Variants in CDH24 observed in about 807,000 individuals in gnomAD.
CDH24 encodes cadherin-24.
A neutral mutation model predicts 71.2 loss-of-function variants in CDH24; 61 were observed. That is an observed-to-expected ratio of 0.86 (90% CI 0.70 to 1.06). The LOEUF is 1.06. CDH24 is among the 50% of genes least tolerant of loss of function. CDH24 has a pLI of 0.00. For missense variants in CDH24, 961 were observed against 1,083.7 expected (o/e 0.89, Z 1.59); for synonymous variants, 440 against 470.2 (o/e 0.94, Z 0.83).
intron 10 of CDH24, 116 bp downstream of exon 10, chr14:23,049,511 T>C: frequency 1.4e-6 from 1 of 726,190 alleles, no homozygotes. Flanking sequence ...ACCCATCTTC[T>C]GTTGGGTAGA....
At chr14:23,056,444 G>C (rs73598405) in intron 1 of CDH24, among the ~76,000 whole-genome samples, 1 of 152,042 alleles carries the variant, frequency 6.6e-6, no homozygotes, top group Non-Finnish European at 1.5e-5. Flanking sequence ...AGGATACAGG[G>C]TGGGGGACAG....
chr14:23,053,721 T>C lies in CDH24; in HGVS notation c.1001A>G (p.Tyr334Cys). The C allele has an allele frequency of 6.2e-7, 1 of 1,610,084 alleles. No homozygotes were observed. Among genetic ancestry groups the C allele is most frequent in the Non-Finnish European group, 8.5e-7 (1 of 1,178,488 alleles). The change falls in exon 7 of 13, where the codon TAC becomes TGC. Residue 334 changes from tyrosine (Y) to cysteine (C), a missense_variant. This residue lies in a region of CDH24 where 671 missense variants were observed against 810.9 expected (regional missense o/e 0.83). Coordinates refer to ENST00000487137, the MANE Select transcript of CDH24 (RefSeq NM_144985.4). The stretch of plus-strand genomic sequence containing the variant: ...GTTGGTGGCCTCGACACGGAAGGAG[T>C]AGGAGCGCTGGCTCTCAAAGTCTAG... The part of the protein sequence containing the change: ...KPLDFESQRS[Y>C]SFRVEATNTL...
Position 23,049,219 on chromosome 14 carries a change from AG to A in CDH24, c.1653del (p.Tyr552ThrfsTer5), listed in dbSNP as rs2047065427. The A allele has an allele frequency of 1.9e-6, 3 of 1,575,038 alleles. No homozygotes were observed. Among genetic ancestry groups the A allele is most frequent in the Non-Finnish European group, 2.6e-6 (3 of 1,159,524 alleles). On this transcript the variant is annotated frameshift_variant, in exon 11 of 13. Coordinates refer to ENST00000487137, the MANE Select transcript of CDH24 (RefSeq NM_144985.4). LOFTEE classifies it high-confidence loss of function. ...TCCCACAGTTCTATGGGAACCAAGT[AG>A]GGGGCATGGCGGGGTGGAGCAGGGC... is the stretch of plus-strand genomic sequence containing the variant. ...PSRPAPPRHA[P>X]YLVPIELWDW...
chr14:23,055,606 CGAGT>C lies in CDH24; in HGVS notation c.124_127del (p.Thr42GlufsTer41). The C allele has an allele frequency of 1.2e-6, 2 of 1,613,900 alleles. No homozygotes were observed. Among genetic ancestry groups the C allele is most frequent in the Non-Finnish European group, 1.7e-6 (2 of 1,179,980 alleles). On this transcript the variant is annotated frameshift_variant, in exon 2 of 13. Transcript: ENST00000487137. LOFTEE classifies it high-confidence loss of function. This position sits in a 1 kb window ranked among gnomAD's most constrained non-coding sequence, Gnocchi z 4.1. ...GAACTGGTTCCAGACCCAGCTCCTT[CGAGT>C]CCGCAGCAGAGCAGGCCCTGGGTGT...
chr14:23,050,003 A>G lies in CDH24; in HGVS notation c.1364-60T>C, dbSNP rs988005283. 2.5e-5 allele frequency: 40 copies of G among 1,582,822 alleles called. No individual in the cohort carries two copies. In the African/African-American group the frequency reaches 3.9e-4, roughly 15 times the overall value. On this transcript the variant is annotated intron_variant, in intron 8 of 12. Transcript: ENST00000487137. ...ACACACCACACAGTTTACACGTAAC[A>G]TATGTGGTGCATGGGCATGGATGCC...
Position 23,055,824 on chromosome 14 carries a change from G to T in CDH24, c.-91C>A. 4 of 1,126,844 alleles carry T rather than the reference G, an allele frequency of 3.5e-6. No individual in the cohort carries two copies. The highest frequency in any genetic ancestry group is 4.9e-6 in the Non-Finnish European group (4 of 810,326). 69.8% of individuals were successfully genotyped at this position (1,126,844 alleles called of 1,614,324 possible). A position where few individuals can be genotyped will look rare whatever the true frequency, so the allele number is the denominator to read the frequency against. On this transcript the variant is annotated 5_prime_UTR_variant, in exon 2 of 13. Transcript: ENST00000487137. The surrounding 1 kb of genome is among the most constrained non-coding windows in gnomAD (Gnocchi z 4.1). ...CCCATGAGCTGGCTGGGGTGGAGGGGCAGATGCGTTGAGGCTACCCCATGG... is the reference window on the plus strand; with the variant it reads ...CCCATGAGCTGGCTGGGGTGGAGGGTCAGATGCGTTGAGGCTACCCCATGG...
chr14:23,049,644 GT>G lies in CDH24; in HGVS notation c.1579del (p.Thr527LeufsTer30). 1 of 1,580,928 alleles carries G rather than the reference GT, an allele frequency of 6.3e-7. No homozygotes were observed. Among genetic ancestry groups the G allele is most frequent in the Non-Finnish European group, 8.6e-7 (1 of 1,160,618 alleles). ...QGPLGPDANF[T>X]VQDNRDGSAS... Reference sequence around the variant, plus strand: ...CCACCTACCTCGGTTGTCCTGGACAGTAAAGTTGGCATCAGGGCCCAGAGGA... The same window carrying G: ...CCACCTACCTCGGTTGTCCTGGACAGAAAGTTGGCATCAGGGCCCAGAGGA... On this transcript the variant is annotated frameshift_variant, in exon 10 of 13. Coordinates refer to ENST00000487137, the MANE Select transcript of CDH24 (RefSeq NM_144985.4). LOFTEE classifies it high-confidence loss of function.
At position 23,055,300 on chromosome 14, in the gene CDH24, C is replaced by T. The variant is rs1323312644; in HGVS notation, c.255G>A (p.Gly85=). The change falls in exon 3 of 13, where the codon GGG becomes GGA. Residue 85 remains glycine, a synonymous_variant. Coordinates refer to ENST00000487137, the MANE Select transcript of CDH24 (RefSeq NM_144985.4). This position sits in a 1 kb window ranked among gnomAD's most constrained non-coding sequence, Gnocchi z 4.1. ...GEGRTKYLLT[G]EGAGTVFVID... ...TCACAAATACGGTGCCTGCCCCCTC[C>T]CCGGTCAACAGGTACTTGGTGCGGC... The T allele has an allele frequency of 1.2e-6, 2 of 1,611,652 alleles. No individual in the cohort carries two copies. The highest frequency in any genetic ancestry group is 1.7e-6 in the Non-Finnish European group (2 of 1,177,918).
At position 23,048,268 on chromosome 14, in the gene CDH24, G is replaced by A; in HGVS notation, c.2058C>T (p.Pro686=). ...TGGGCTGGCGCGACACCCGGGCCCGGGGCAACACGTCTCGGCGCGCGGGAG... is the reference window on the plus strand; with the variant it reads ...TGGGCTGGCGCGACACCCGGGCCCGAGGCAACACGTCTCGGCGCGCGGGAG... ...PGPPARRDVL[P]RARVSRQPRP... Residue 686 remains proline, a synonymous_variant, in exon 12 of 13, where the codon CCC becomes CCT. Transcript: ENST00000487137. The A allele has an allele frequency of 6.5e-7, 1 of 1,530,924 alleles. No homozygotes were observed. The highest frequency in any genetic ancestry group is 8.7e-7 in the Non-Finnish European group (1 of 1,147,040). The allele number at this position is 1,530,924 out of a possible 1,614,324, so 94.8% of individuals were successfully genotyped here.
chr14:23,050,530 CA>C, intron 8 of CDH24, among the ~76,000 whole-genome samples: 1 of 149,482 alleles, frequency 6.7e-6, no homozygotes, highest in Non-Finnish European at 1.5e-5. Flanking sequence ...CACACACACA[CA>C]CATCCCATCA....
At chr14:23,052,058 G>C (rs907872388) in intron 8 of CDH24, 1 of 1,569,454 alleles carries the variant, frequency 6.4e-7, no homozygotes, top group Non-Finnish European at 8.7e-7. Context: ...GAGGTACCCA[G>C]CCCCTTTCTG....
chr14:23,055,001 G>A lies in CDH24; in HGVS notation c.496+58C>T, dbSNP rs555755742. 899 of 1,589,858 alleles carry A rather than the reference G, an allele frequency of 5.7e-4. No individual in the cohort carries two copies. Among genetic ancestry groups the A allele is most frequent in the Non-Finnish European group, 7.5e-4 (873 of 1,164,888 alleles). On this transcript the variant is annotated intron_variant, in intron 3 of 12. Transcript: ENST00000487137. This position sits in a 1 kb window ranked among gnomAD's most constrained non-coding sequence, Gnocchi z 4.1. ...CTGGGGCAGACAACAAGAAGGGAAG[G>A]AGAGGTGAGAGAGCTCCAGAAGACG...
Position 23,049,651 on chromosome 14 carries a change from TG to T in CDH24, c.1572del (p.Asn525ThrfsTer32). 6.3e-7 allele frequency: 1 copy of T among 1,589,882 alleles called. No individual in the cohort carries two copies. The highest frequency in any genetic ancestry group is 8.6e-7 in the Non-Finnish European group (1 of 1,165,644). On this transcript the variant is annotated frameshift_variant, in exon 10 of 13. Coordinates refer to ENST00000487137, the MANE Select transcript of CDH24 (RefSeq NM_144985.4). LOFTEE classifies it high-confidence loss of function. ...CCTCGGTTGTCCTGGACAGTAAAGTTGGCATCAGGGCCCAGAGGACCTTGAA... is the reference window on the plus strand; with the variant it reads ...CCTCGGTTGTCCTGGACAGTAAAGTTGCATCAGGGCCCAGAGGACCTTGAA... ...VSFQGPLGPD[A>X]NFTVQDNRDG...
In CDH24 at chr14:23,055,656, C is replaced by T; in HGVS notation, c.78G>A (p.Arg26=). 6.2e-7 allele frequency: 1 copy of T among 1,610,168 alleles called. No individual in the cohort carries two copies. Among genetic ancestry groups the T allele is most frequent in the South Asian group, 1.1e-5 (1 of 90,738 alleles). ...GCMGRLAAPA[R]AWAGSREHPG... is the part of the protein sequence containing the mutation. ...GGTGTTCCCGGGACCCTGCCCAGGC[C>T]CGGGCTGGGGCTGCCAGACGCCCCA... Residue 26 remains arginine, a synonymous_variant, in exon 2 of 13, where the codon CGG becomes CGA. Coordinates refer to ENST00000487137, the MANE Select transcript of CDH24 (RefSeq NM_144985.4). This position sits in a 1 kb window ranked among gnomAD's most constrained non-coding sequence, Gnocchi z 4.1.
rs2139948061 is a variant in CDH24, at chr14:23,053,757, G to A, written c.973-8C>T. On this transcript the variant is annotated splice_polypyrimidine_tract_variant and splice_region_variant and intron_variant, in intron 6 of 12. Transcript: ENST00000487137. ...GCTCTCAAAGTCTAGGGGCTATGGT[G>A]AGGGGAGAGGGAGAAAAAGTGAGGC... is the stretch of plus-strand genomic sequence containing the variant. The A allele has an allele frequency of 6.3e-7, 1 of 1,585,540 alleles. No individual in the cohort carries two copies. The highest frequency in any genetic ancestry group is 2.3e-5 in the East Asian group (1 of 44,316).
intron 8 of CDH24, among the ~76,000 whole-genome samples, chr14:23,050,536 C>T (rs1228433296): frequency 6.7e-6 from 1 of 149,584 alleles, no homozygotes; most frequent in Non-Finnish European, 1.5e-5. Flanking sequence ...CACACACATC[C>T]CATCAGAGGT....
Position 23,053,535 on chromosome 14 carries a change from A to T in CDH24, c.1187T>A (p.Ile396Asn). The T allele has an allele frequency of 6.3e-7, 1 of 1,598,632 alleles. No individual in the cohort carries two copies. The highest frequency in any genetic ancestry group is 1.1e-5 in the South Asian group (1 of 90,592). ...AGGGGAGTCCAGGTCAGCCGCGGAG[A>T]TCTGGCCTACCAGGGTCCCCGGGGC... ...NKAPGTLVGQ[I>N]SAADLDSPAS... Residue 396 changes from isoleucine (I) to asparagine (N), a missense_variant, in exon 7 of 13, where the codon ATC (isoleucine) becomes AAC (asparagine). Physicochemically the swap from Ile to Asn is moderately radical, Grantham distance 149. Transcript: ENST00000487137.
Position 23,054,231 on chromosome 14 carries a change from C to T in CDH24, c.882G>A (p.Met294Ile), listed in dbSNP as rs147423144. The T allele has an allele frequency of 3.8e-3, 6,160 of 1,613,786 alleles. 24 individuals carry two copies. Among genetic ancestry groups the T allele is most frequent in the Non-Finnish European group, 5.0e-3 (5,861 of 1,179,968 alleles). Reference protein sequence around the residue: ...QDPDLGDNALMAYSILDGEGS... With the variant: ...QDPDLGDNALIAYSILDGEGS... ...CCTCCCCATCCAGGATGCTGTATGC[C>T]ATCAGGGCGTTGTCCCCCAGGTCTG... The change falls in exon 6 of 13, where the codon ATG (methionine) becomes ATA (isoleucine). Residue 294 changes from methionine (M) to isoleucine (I), a missense_variant. This residue lies in a region of CDH24 where 671 missense variants were observed against 810.9 expected (regional missense o/e 0.83). Transcript: ENST00000487137. The surrounding 1 kb of genome is among the most constrained non-coding windows in gnomAD (Gnocchi z 5.2).
Position 23,052,464 on chromosome 14 carries a change from A to G in CDH24, c.1363+9T>C, listed in dbSNP as rs1459572078. On this transcript the variant is annotated intron_variant, in intron 8 of 12. Transcript: ENST00000487137. ...GCTGCTGCCGCCTTGTGGGCCCTGG[A>G]GTCCTCACCGAGCTCTGTAGCCAGC... 1.2e-6 allele frequency: 2 copies of G among 1,613,270 alleles called. No individual in the cohort carries two copies. Among genetic ancestry groups the G allele is most frequent in the African/African-American group, 2.7e-5 (2 of 74,902 alleles).
Sources: gnomAD v4.1 joint callset for allele counts (sites outside exome capture counted in the v4.1 genomes callset) on GRCh38, gnomAD v4.1.1 for gene constraint, gnomAD v4.1.1 regional missense constraint, Gnocchi (gnomAD v3.1) non-coding constraint, MANE v1.5 for transcripts, NCBI Gene and HGNC (gene_info 2026-07-23, HGNC 2026-07-21) for gene names.